Variants in RIC1 observed in about 807,000 individuals in gnomAD.
RIC1 encodes the protein RIC1 partner of RAB6A GEF complex, also known as guanine nucleotide exchange factor subunit RIC1.
RIC1 carries 88 observed loss-of-function variants against 169.0 expected under a neutral mutation model. The observed-to-expected ratio is 0.52, with a 90% CI of 0.44 to 0.62. The LOEUF (loss-of-function observed/expected upper bound fraction) is 0.62, where lower values mean the gene tolerates loss of function less well. RIC1 is among the 20% of genes least tolerant of loss of function. The pLI, the probability that RIC1 is intolerant of heterozygous loss-of-function variation, is 0.00. For missense variants in RIC1, 1,877 were observed against 1,725.5 expected (o/e 1.09, Z -1.56); for synonymous variants, 790 against 601.5 (o/e 1.31, Z -4.59).
At chr9:5,707,082 G>A (rs1308527924) in intron 3 of RIC1, among the ~76,000 whole-genome samples, 3 of 152,032 alleles carry the variant, frequency 2.0e-5, no homozygotes. Flanking sequence ...CCATAACGTT[G>A]CATGTTTGTT....
intron 1 of RIC1, among the ~76,000 whole-genome samples, chr9:5,632,832 A>G (rs1272150545): frequency 6.6e-6 from 1 of 152,196 alleles, no homozygotes; most frequent in South Asian, 2.1e-4. Context: ...TGTGACTATG[A>G]AAGTCTATAT....
At chr9:5,640,093 C>T (rs1337619161) in intron 1 of RIC1, among the ~76,000 whole-genome samples, 3 of 152,174 alleles carry the variant, frequency 2.0e-5, no homozygotes, top group African/African-American at 4.8e-5. Context: ...TAAGTAGGGA[C>T]TTCTGCCATT....
rs1257460955 is a variant in RIC1 at position 5,773,924 on chromosome 9, G to A, written c.3984-34G>A. 1.2e-5 allele frequency: 18 copies of A among 1,525,460 alleles called. 1 individual carries two copies. In the South Asian group the frequency reaches 2.4e-4, roughly 20 times the overall value. 94.5% of individuals were successfully genotyped at this position (1,525,460 alleles called of 1,614,324 possible). A position where few individuals can be genotyped will look rare whatever the true frequency, so the allele number is the denominator to read the frequency against. On this transcript the variant is annotated intron_variant, in intron 25 of 25. Coordinates refer to ENST00000414202, the MANE Select transcript of RIC1 (RefSeq NM_020829.4). ...TGTTCTACCAAACCTTTTGAATTAT[G>A]GCAGATGAGCTAATGTTTTTTTTCT...
intron 2 of RIC1, among the ~76,000 whole-genome samples, chr9:5,665,420 C>T (rs1281845440): frequency 6.6e-6 from 1 of 152,206 alleles, no homozygotes; most frequent in Admixed American, 6.5e-5. Context: ...TGTTACCCAC[C>T]TTCCAAAGCC....
intron 4 of RIC1, among the ~76,000 whole-genome samples, chr9:5,717,986 A>G (rs1276604335): frequency 6.6e-6 from 1 of 151,692 alleles, no homozygotes; most frequent in Non-Finnish European, 1.5e-5. Flanking sequence ...CTAAAAATAC[A>G]AAAATTAGCT....
At chr9:5,679,059 A>G (rs546372942) in intron 2 of RIC1, among the ~76,000 whole-genome samples, 18 of 151,892 alleles carry the variant, frequency 1.2e-4, no homozygotes, top group Admixed American at 4.6e-4. Flanking sequence ...AGCTTTCTAC[A>G]TATGGCTAGC....
chr9:5,720,553 AAGTG>A lies in RIC1; in HGVS notation c.584-58_584-55del, dbSNP rs1193713894. ...TAAACTTACAGGTTTTTCTGGCAAA[AAGTG>A]AGAGAGTAATTTATTATATTCTTAA... On this transcript the variant is annotated intron_variant, in intron 5 of 25. Transcript: ENST00000414202. 1.1e-5 allele frequency: 17 copies of A among 1,480,930 alleles called. No homozygotes were observed. The African/African-American group carries it at 1.3e-4, about 11-fold the overall frequency. The allele number at this position is 1,480,930 out of a possible 1,614,324, so 91.7% of individuals were successfully genotyped here. A position where few individuals can be genotyped will look rare whatever the true frequency, so the allele number is the denominator to read the frequency against.
rs1827496135 is a variant in RIC1 at position 5,774,923 on chromosome 9, T to TA, written c.*678dup. ...AGGGGGTTCTTCTCAATTTTGCTGT[T>TA]AGATACCACTAAACTATTTTGTATT... On this transcript the variant is annotated 3_prime_UTR_variant, in exon 26 of 26. Transcript: ENST00000414202. 1 of 152,230 alleles carries TA rather than the reference T, an allele frequency of 6.6e-6. No homozygotes were observed. The highest frequency in any genetic ancestry group is 2.4e-5 in the African/African-American group (1 of 41,464). 9.4% of individuals were successfully genotyped at this position (152,230 alleles called of 1,614,324 possible). A position where few individuals can be genotyped will look rare whatever the true frequency, so the allele number is the denominator to read the frequency against.
chr9:5,662,567 G>A (rs1482668932), intron 2 of RIC1, among the ~76,000 whole-genome samples: 1 of 151,984 alleles, frequency 6.6e-6, no homozygotes, highest in Non-Finnish European at 1.5e-5. Context: ...CAGTCTTAGG[G>A]AGGGTGTATG....
intron 4 of RIC1, chr9:5,718,892 C>T (rs141471949): frequency 6.6e-6 from 1 of 152,188 alleles, no homozygotes; most frequent in African/African-American, 2.4e-5. Flanking sequence ...TCTACATTAG[C>T]TGAAATCTTT....
intron 1 of RIC1, among the ~76,000 whole-genome samples, chr9:5,644,860 A>G (rs996616672): frequency 1.3e-5 from 2 of 151,892 alleles, no homozygotes; most frequent in Non-Finnish European, 2.9e-5. Flanking sequence ...TGACTGTAGC[A>G]TTTTACAACC....
At chr9:5,658,712 AC>A (rs1439184635) in intron 2 of RIC1, among the ~76,000 whole-genome samples, 1 of 152,078 alleles carries the variant, frequency 6.6e-6, no homozygotes, top group Non-Finnish European at 1.5e-5. Flanking sequence ...GACTTTTAAA[AC>A]CTATGGTTAG....
intron 3 of RIC1, among the ~76,000 whole-genome samples, chr9:5,705,314 C>G (rs985474313): frequency 6.6e-6 from 1 of 150,926 alleles, no homozygotes; most frequent in African/African-American, 2.4e-5. Context: ...ACATAATATA[C>G]CTTTCCAATT....
chr9:5,666,779 A>G (rs1200853728), intron 2 of RIC1, among the ~76,000 whole-genome samples: 1 of 147,062 alleles, frequency 6.8e-6, no homozygotes, highest in Non-Finnish European at 1.5e-5. Flanking sequence ...TTGCATCTGT[A>G]TTCACACAAT....
intron 4 of RIC1, among the ~76,000 whole-genome samples, chr9:5,715,969 C>T (rs558003152): frequency 6.6e-6 from 1 of 151,994 alleles, no homozygotes; most frequent in African/African-American, 2.4e-5. Flanking sequence ...CTCAGCCTAT[C>T]AAGTAGCTGG....
At chr9:5,742,467 T>C (rs899875966) in intron 8 of RIC1, among the ~76,000 whole-genome samples, 1 of 152,194 alleles carries the variant, frequency 6.6e-6, no homozygotes, top group Non-Finnish European at 1.5e-5. Flanking sequence ...TACGTTTTTT[T>C]AATCATTCTT....
At chr9:5,681,928 C>G (rs988937727) in intron 2 of RIC1, among the ~76,000 whole-genome samples, 4 of 152,156 alleles carry the variant, frequency 2.6e-5, no homozygotes, top group Non-Finnish European at 5.9e-5. Context: ...TTCTTTGTCT[C>G]TTTTGATCTT....
At chr9:5,644,444 A>G (rs990108402) in intron 1 of RIC1, among the ~76,000 whole-genome samples, 4 of 152,216 alleles carry the variant, frequency 2.6e-5, no homozygotes, top group African/African-American at 9.7e-5. Context: ...ACAGGGACAT[A>G]TTGCACAGTG....
At chr9:5,719,744 G>T (rs1400598174) in intron 4 of RIC1, among the ~76,000 whole-genome samples, 1 of 152,150 alleles carries the variant, frequency 6.6e-6, no homozygotes, top group Admixed American at 6.5e-5. Context: ...AGATAGCACA[G>T]ATATAGAACA....
Sources: gnomAD v4.1 joint callset for allele counts (sites outside exome capture counted in the v4.1 genomes callset) on GRCh38, gnomAD v4.1.1 for gene constraint, MANE v1.5 for transcripts, NCBI Gene and HGNC (gene_info 2026-07-23, HGNC 2026-07-21) for gene names.